GPHN: variants seen among roughly 807,000 people sequenced by gnomAD.
GPHN encodes the protein gephyrin.
GPHN carries 17 observed loss-of-function variants against 95.5 expected under a neutral mutation model. That is an observed-to-expected ratio of 0.18 (90% CI 0.12 to 0.27). GPHN has a LOEUF of 0.27. Among genes scored for constraint, GPHN ranks in the 10% least tolerant of loss-of-function variants. The probability of loss-of-function intolerance (pLI) is 1.00; values close to 1 mark genes in which losing one functional copy is unlikely to be tolerated. For synonymous variants in GPHN, 320 were observed against 322.5 expected (o/e 0.99, Z 0.08); for missense variants, 660 against 978.1 (o/e 0.67, Z 4.34).
At chr14:67,360,222 TC>T in the GPHN span, 1 of 400,718 alleles carries the variant, frequency 2.5e-6, no homozygotes. Context: ...TTCAGGTCCT[TC>T]CATGATCTAC....
chr14:67,600,510 G>A, the GPHN span, among the ~76,000 whole-genome samples: 1 of 152,190 alleles, frequency 6.6e-6, no homozygotes, highest in Non-Finnish European at 1.5e-5. Flanking sequence ...AAGGCGGGAG[G>A]ATCGCTTGAG....
the GPHN span, among the ~76,000 whole-genome samples, chr14:67,668,946 T>C: frequency 2.0e-5 from 3 of 152,036 alleles, no homozygotes; most frequent in Non-Finnish European, 4.4e-5. Flanking sequence ...AGAAAATAAG[T>C]ACTCTGGAAA....
chr14:66,567,874 T>TA (rs1286648160), intron 1 of GPHN, among the ~76,000 whole-genome samples: 1 of 152,098 alleles, frequency 6.6e-6, no homozygotes, highest in Non-Finnish European at 1.5e-5. Context: ...GCAAGATCTA[T>TA]AAAAAAATAT....
the GPHN span, chr14:67,734,599 G>C: frequency 6.2e-6 from 1 of 161,562 alleles, no homozygotes; most frequent in Non-Finnish European, 1.4e-5. Context: ...AGAACTCAGG[G>C]CAAAGACAGC....
At chr14:66,559,821 G>A (rs369874587) in intron 1 of GPHN, among the ~76,000 whole-genome samples, 10 of 151,978 alleles carry the variant, frequency 6.6e-5, no homozygotes, top group African/African-American at 9.7e-5. Context: ...GCCCATGTCT[G>A]TGTCCTGAAT....
the GPHN span, among the ~76,000 whole-genome samples, chr14:67,617,930 G>T: frequency 5.9e-5 from 9 of 152,024 alleles, no homozygotes; most frequent in African/African-American, 2.2e-4. Context: ...TGTTGGTCAG[G>T]CTGGTCTCAA....
intron 5 of GPHN, among the ~76,000 whole-genome samples, chr14:66,894,904 TTGG>T (rs1034008985): frequency 3.9e-5 from 6 of 152,230 alleles, no homozygotes; most frequent in African/African-American, 1.4e-4. Flanking sequence ...TTTTACACTG[TTGG>T]TGGGACTGTA....
chr14:67,085,223 A>G (rs939596410), intron 11 of GPHN, among the ~76,000 whole-genome samples: 1 of 152,242 alleles, frequency 6.6e-6, no homozygotes, highest in African/African-American at 2.4e-5. Flanking sequence ...ATCAAATGTT[A>G]TCAAATTATT....
chr14:67,081,423 G>GT (rs377153544), intron 11 of GPHN, among the ~76,000 whole-genome samples: 248 of 152,012 alleles, frequency 1.6e-3, no homozygotes, highest in African/African-American at 5.5e-3. Flanking sequence ...GTCTATTCAT[G>GT]TCCTTAGCCC....
chr14:67,568,337 C>T, the GPHN span, among the ~76,000 whole-genome samples: 3 of 149,852 alleles, frequency 2.0e-5, no homozygotes, highest in Non-Finnish European at 4.4e-5. Flanking sequence ...AGCAAACTAA[C>T]GTAGGAACAA....
intron 10 of GPHN, among the ~76,000 whole-genome samples, chr14:67,053,914 C>G (rs897990727): frequency 1.3e-5 from 2 of 152,156 alleles, no homozygotes; most frequent in African/African-American, 4.8e-5. Context: ...ATTCAACTTC[C>G]CTTCATGTTA....
intron 1 of GPHN, among the ~76,000 whole-genome samples, chr14:66,677,593 G>C (rs999202960): frequency 4.0e-5 from 6 of 151,888 alleles, no homozygotes; most frequent in African/African-American, 1.5e-4. Flanking sequence ...AATTTCCAAA[G>C]TTCCTCTTGT....
Position 66,597,605 on chromosome 14 carries a change from C to T in GPHN, c.65-83502C>T, listed in dbSNP as rs538246025. ...GAGACTGCAGGAGTGTCTTCCTAGG[C>T]CCTTGAGAGTGCAGAAATGCCTGGG... On this transcript the variant is annotated intron_variant, in intron 1 of 22. Coordinates refer to ENST00000478722, the MANE Select transcript of GPHN (RefSeq NM_020806.5). Among the ~76,000 whole-genome samples, 11 of 152,250 alleles carry T rather than the reference C, an allele frequency of 7.2e-5. No individual in the cohort carries two copies. In the South Asian group the frequency reaches 1.9e-3, roughly 26 times the overall value.
chr14:67,122,022 C>G (rs141093539), intron 16 of GPHN, among the ~76,000 whole-genome samples: 61 of 152,238 alleles, frequency 4.0e-4, no homozygotes, highest in African/African-American at 1.3e-3. Flanking sequence ...ATTTTGCATG[C>G]AGTTCAATCG....
At chr14:67,634,034 C>T in the GPHN span, among the ~76,000 whole-genome samples, 1 of 152,180 alleles carries the variant, frequency 6.6e-6, no homozygotes, top group Non-Finnish European at 1.5e-5. Flanking sequence ...TTGAAGTCTG[C>T]ACCATACCTT....
the GPHN span, among the ~76,000 whole-genome samples, chr14:67,254,977 C>G: frequency 2.0e-5 from 3 of 152,258 alleles, no homozygotes; most frequent in Admixed American, 6.5e-5. Flanking sequence ...GGTGAAACCT[C>G]TTCTCTACTA....
chr14:66,547,935 C>T (rs1356521196), intron 1 of GPHN, among the ~76,000 whole-genome samples: 2 of 152,110 alleles, frequency 1.3e-5, no homozygotes, highest in Admixed American at 1.3e-4. Flanking sequence ...CATAGGATAG[C>T]AAGTAATAAT....
chr14:67,359,669 A>G, the GPHN span: 5 of 1,613,920 alleles, frequency 3.1e-6, no homozygotes, highest in South Asian at 4.4e-5. Flanking sequence ...TTCGCGAGGG[A>G]AAGATTTCAA....
chr14:66,562,026 A>G (rs1475909638), intron 1 of GPHN, among the ~76,000 whole-genome samples: 1 of 152,138 alleles, frequency 6.6e-6, no homozygotes, highest in African/African-American at 2.4e-5. Context: ...TTTGAAAACA[A>G]TTGGGAAAGG....
Sources: gnomAD v4.1 joint callset for allele counts (sites outside exome capture counted in the v4.1 genomes callset) on GRCh38, gnomAD v4.1.1 for gene constraint, MANE v1.5 for transcripts, NCBI Gene and HGNC (gene_info 2026-07-23, HGNC 2026-07-21) for gene names.